IL33: variants seen among roughly 807,000 people sequenced by gnomAD.
IL33 encodes the protein interleukin 33, also known as interleukin-33.
In IL33, 37 loss-of-function variants were observed where a neutral mutation model predicts 27.3. That is an observed-to-expected ratio of 1.36 (90% confidence interval 1.04 to 1.78). The LOEUF is 1.78. IL33 is among the 40% of genes most tolerant of loss of function. The pLI is 0.00. For missense variants in IL33, 406 were observed against 311.4 expected (o/e 1.30, Z -2.29); for synonymous variants, 132 against 102.9 (o/e 1.28, Z -1.71).
chr9:6,218,127 G>T (rs1242620673), intron 1 of IL33, among the ~76,000 whole-genome samples: 1 of 152,174 alleles, frequency 6.6e-6, no homozygotes, highest in African/African-American at 2.4e-5. Flanking sequence ...GTCTGAAACA[G>T]TTAAGAACTT....
chr9:6,257,480 G>A lies in IL33; in HGVS notation c.*1312G>A, dbSNP rs185107968. On this transcript the variant is annotated 3_prime_UTR_variant, in exon 8 of 8. Transcript: ENST00000682010. The stretch of plus-strand genomic sequence containing the variant: ...TAATGGCAATATTTTTTTGCTAAAC[G>A]TTTTTGTTTTTTACTGTCACTAGGG... 23 of 152,542 alleles carry A rather than the reference G, an allele frequency of 1.5e-4. No homozygotes were observed. The highest frequency in any genetic ancestry group is 4.3e-4 in the African/African-American group (18 of 41,524). The allele number at this position is 152,542 out of a possible 1,614,324, so 9.4% of individuals were successfully genotyped here. A position where few individuals can be genotyped will look rare whatever the true frequency, so the allele number is the denominator to read the frequency against.
chr9:6,215,890 T>A (rs1818115956), intron 1 of IL33, 38 bp downstream of exon 1: 2 of 151,192 alleles, frequency 1.3e-5, no homozygotes, highest in African/African-American at 4.9e-5. Context: ...TAGTCAGATT[T>A]TGCAAAGTTA....
chr9:6,245,932 G>A (rs763002350), intron 2 of IL33, among the ~76,000 whole-genome samples: 16 of 151,078 alleles, frequency 1.1e-4, no homozygotes, highest in Non-Finnish European at 1.9e-4. Context: ...GCATGGTGGC[G>A]GGCGCCTGTA....
intron 1 of IL33, among the ~76,000 whole-genome samples, chr9:6,235,624 A>G (rs1439746429): frequency 5.3e-5 from 8 of 152,206 alleles, no homozygotes; most frequent in Admixed American, 5.2e-4. Flanking sequence ...CAAATCACAG[A>G]CAAGGGTCTA....
chr9:6,245,890 G>A (rs1345779922), intron 2 of IL33, among the ~76,000 whole-genome samples: 2 of 151,410 alleles, frequency 1.3e-5, no homozygotes, highest in African/African-American at 2.4e-5. Flanking sequence ...GTGAAACCCC[G>A]TCTCTACTAA....
At chr9:6,239,629 CCTT>C (rs1166905818) in intron 1 of IL33, among the ~76,000 whole-genome samples, 1 of 152,004 alleles carries the variant, frequency 6.6e-6, no homozygotes, top group African/African-American at 2.4e-5. Context: ...AGCTTTCTCT[CCTT>C]CTTTCATTTA....
In IL33 at chr9:6,256,834, A is replaced by T. The variant is rs1816759768; in HGVS notation, c.*666A>T. ...TAGAAAAATAAATCCAGTATTTGTA[A>T]AGTGAATAACTTCATTTCTAATTGT... is the stretch of plus-strand genomic sequence containing the variant. On this transcript the variant is annotated 3_prime_UTR_variant, in exon 8 of 8. Transcript: ENST00000682010. 6.6e-6 allele frequency: 1 copy of T among 152,592 alleles called. No homozygotes were observed. Among genetic ancestry groups the T allele is most frequent in the Admixed American group, 6.5e-5 (1 of 15,284 alleles). The allele number at this position is 152,592 out of a possible 1,614,324, so 9.5% of individuals were successfully genotyped here. A position where few individuals can be genotyped will look rare whatever the true frequency, so the allele number is the denominator to read the frequency against.
At chr9:6,216,670 C>A (rs2130044991) in intron 1 of IL33, among the ~76,000 whole-genome samples, 1 of 152,236 alleles carries the variant, frequency 6.6e-6, no homozygotes, top group South Asian at 2.1e-4. Flanking sequence ...ATCGCTTGAA[C>A]CCAGGAGGTG....
chr9:6,228,324 A>C (rs1818740998), intron 1 of IL33, among the ~76,000 whole-genome samples: 1 of 152,088 alleles, frequency 6.6e-6, no homozygotes. Flanking sequence ...AAAAACAAAA[A>C]AAGGAGAATT....
intron 1 of IL33, among the ~76,000 whole-genome samples, chr9:6,227,979 T>C (rs1296988327): frequency 6.6e-6 from 1 of 152,162 alleles, no homozygotes; most frequent in African/African-American, 2.4e-5. Flanking sequence ...GGGTTTCAGC[T>C]ATGAGGCCTT....
At chr9:6,241,185 C>T (rs557139877) in intron 1 of IL33, among the ~76,000 whole-genome samples, 1 of 152,232 alleles carries the variant, frequency 6.6e-6, no homozygotes, top group African/African-American at 2.4e-5. Context: ...TTACAATTAA[C>T]TTGTTTTTTA....
chr9:6,222,049 C>G (rs992865250), intron 1 of IL33, among the ~76,000 whole-genome samples: 1 of 152,120 alleles, frequency 6.6e-6, no homozygotes, highest in Non-Finnish European at 1.5e-5. Context: ...CTTGTCATAC[C>G]ATGGTGGTCA....
At chr9:6,241,663 T>C in intron 1 of IL33, 21 bp from the exon 2 acceptor site, 1 of 1,422,846 alleles carries the variant, frequency 7.0e-7, no homozygotes, top group Non-Finnish European at 9.7e-7. Context: ...AATGAACTAA[T>C]ATTATATTTT....
intron 2 of IL33, among the ~76,000 whole-genome samples, chr9:6,245,861 G>A (rs1048947273): frequency 6.6e-6 from 1 of 151,896 alleles, no homozygotes; most frequent in Non-Finnish European, 1.5e-5. Flanking sequence ...AAGAGATTGA[G>A]ATCATCCTGG....
chr9:6,253,395 T>G (rs1020418367), intron 5 of IL33, among the ~76,000 whole-genome samples, 157 bp from the exon 6 acceptor site: 2 of 152,236 alleles, frequency 1.3e-5, no homozygotes, highest in Non-Finnish European at 2.9e-5. Flanking sequence ...CAGAGCATAT[T>G]CGTGCATTTT....
At chr9:6,241,989 A>T (rs1313633209) in intron 2 of IL33, among the ~76,000 whole-genome samples, 1 of 152,238 alleles carries the variant, frequency 6.6e-6, no homozygotes, top group Admixed American at 6.5e-5. Flanking sequence ...CATATTTGAT[A>T]CATCACCAGG....
At chr9:6,244,419 T>C (rs1819706104) in intron 2 of IL33, among the ~76,000 whole-genome samples, 1 of 152,264 alleles carries the variant, frequency 6.6e-6, no homozygotes, top group South Asian at 2.1e-4. Flanking sequence ...ACCCTATATA[T>C]ACTATGTTTT....
chr9:6,230,528 G>T (rs895653653), intron 1 of IL33, among the ~76,000 whole-genome samples: 1 of 152,120 alleles, frequency 6.6e-6, no homozygotes, highest in African/African-American at 2.4e-5. Context: ...GGGAGTAGAG[G>T]ATTGGTGTGT....
intron 1 of IL33, among the ~76,000 whole-genome samples, chr9:6,228,010 T>C (rs1412120050): frequency 1.3e-5 from 2 of 152,350 alleles, no homozygotes; most frequent in East Asian, 3.9e-4. Context: ...TTGATCCCTC[T>C]GTACCTCAGT....
Sources: allele counts gnomAD v4.1 joint callset (sites outside exome capture counted in the v4.1 genomes callset), GRCh38; gene constraint gnomAD v4.1.1; transcripts MANE v1.5; gene names NCBI Gene and HGNC (gene_info 2026-07-23, HGNC 2026-07-21).